Variants in TBC1D21 observed in about 807,000 individuals in gnomAD.
The protein encoded by TBC1D21 is TBC1 domain family member 21.
A neutral mutation model predicts 46.0 loss-of-function variants in TBC1D21; 38 were observed. The observed-to-expected ratio is 0.83, with a 90% CI of 0.64 to 1.08. TBC1D21 has a LOEUF of 1.08. TBC1D21 is among the 50% of genes least tolerant of loss of function. TBC1D21 has a pLI of 0.00. For synonymous variants in TBC1D21, 151 were observed against 157.2 expected, an observed-to-expected ratio of 0.96 and a Z score of 0.29; for missense variants, 415 against 417.9, an observed-to-expected ratio of 0.99 and a Z score of 0.06.
chr15:73,874,439 T>C (rs376712028), intron 1 of TBC1D21, among the ~76,000 whole-genome samples: 1 of 152,256 alleles, frequency 6.6e-6, no homozygotes, highest in East Asian at 1.9e-4. Context: ...GCATTTATTA[T>C]GTACGATGAA....
chr15:73,873,741 C>A lies in TBC1D21; in HGVS notation c.32C>A (p.Ser11Tyr), dbSNP rs2068008990. 1 of 1,610,090 alleles carries A rather than the reference C, an allele frequency of 6.2e-7. No individual in the cohort carries two copies. Among genetic ancestry groups the A allele is most frequent in the South Asian group, 1.1e-5 (1 of 90,130 alleles). Reference sequence around the variant, plus strand: ...ACCCTCTCTCCTGAAAACAGCCTCTCTGCCAGACAGTCAGCCTCCTTCATC... The same window carrying A: ...ACCCTCTCTCCTGAAAACAGCCTCTATGCCAGACAGTCAGCCTCCTTCATC... MTTLSPENSL[S>Y]ARQSASFILV... is the part of the protein sequence containing the mutation. Residue 11 changes from serine (S) to tyrosine (Y), a missense_variant, in exon 1 of 11, where the codon TCT (serine) becomes TAT (tyrosine). Ser to Tyr is a moderately radical substitution (Grantham distance 144). Coordinates refer to ENST00000300504, the MANE Select transcript of TBC1D21 (RefSeq NM_153356.3).
Position 73,877,550 on chromosome 15 carries a change from AGAAAT to A in TBC1D21, c.60+3782_60+3786del, listed in dbSNP as rs2068089449. Among the ~76,000 whole-genome samples, 37 of 67,236 alleles carry A rather than the reference AGAAAT, an allele frequency of 5.5e-4. 3 individuals carry two copies. In the South Asian group the frequency reaches 5.8e-3, roughly 11 times the overall value. The allele number at this position is 67,236 out of a possible 152,430, so 44.1% of individuals were successfully genotyped here. A position where few individuals can be genotyped will look rare whatever the true frequency, so the allele number is the denominator to read the frequency against. Reference sequence around the variant, plus strand: ...AAAAAAAAAAAAAAAAAAAAAAAAAAGAAATCCCTACTCATTTTATGAGGCCAACA... The same window carrying A: ...AAAAAAAAAAAAAAAAAAAAAAAAAACCCTACTCATTTTATGAGGCCAACA... On this transcript the variant is annotated intron_variant, in intron 1 of 10. Transcript: ENST00000300504.
the TBC1D21 span, among the ~76,000 whole-genome samples, chr15:73,906,995 A>G: frequency 2.6e-5 from 4 of 152,134 alleles, no homozygotes; most frequent in African/African-American, 9.7e-5. Flanking sequence ...ACCAACCACA[A>G]TTCCATGCAA....
intron 1 of TBC1D21, among the ~76,000 whole-genome samples, chr15:73,874,904 C>G (rs1279707103): frequency 6.6e-6 from 1 of 152,102 alleles, no homozygotes; most frequent in Non-Finnish European, 1.5e-5. Context: ...AAGTGGGAAC[C>G]CCTTGTTACG....
In TBC1D21 at chr15:73,873,816, G is replaced by T. The variant is rs145004157; in HGVS notation, c.60+47G>T. The T allele has an allele frequency of 1.2e-4, 188 of 1,586,148 alleles. No individual in the cohort carries two copies. The East Asian group carries it at 4.2e-3, about 36-fold the overall frequency. Reference sequence around the variant, plus strand: ...TGAGTGCCTCCCTCCCCAGCCTCTGGTTGGCACTGGGACCATTTTCCCCTG... The same window carrying T: ...TGAGTGCCTCCCTCCCCAGCCTCTGTTTGGCACTGGGACCATTTTCCCCTG... On this transcript the variant is annotated intron_variant, in intron 1 of 10. Coordinates refer to ENST00000300504, the MANE Select transcript of TBC1D21 (RefSeq NM_153356.3).
downstream of TBC1D21, among the ~76,000 whole-genome samples, chr15:73,892,667 C>T (rs1474342486): frequency 2.0e-5 from 3 of 152,258 alleles, no homozygotes; most frequent in African/African-American, 7.2e-5. Flanking sequence ...TTCGTTCACA[C>T]ACACTTCAAC....
chr15:73,907,706 A>T, the TBC1D21 span, among the ~76,000 whole-genome samples: 42 of 152,274 alleles, frequency 2.8e-4, no homozygotes, highest in African/African-American at 9.9e-4. Context: ...TACCCCTAAA[A>T]AGTTCCAAAG....
At chr15:73,873,854 A>G in intron 1 of TBC1D21, 85 bp downstream of exon 1, 1 of 1,474,092 alleles carries the variant, frequency 6.8e-7, no homozygotes, top group Non-Finnish European at 9.3e-7. Context: ...GGGTAGGAAA[A>G]GCTAGAACCC....
At chr15:73,884,048 T>G (rs1415138124) in intron 3 of TBC1D21, 103 bp from the exon 4 acceptor site, 13 of 915,080 alleles carry the variant, frequency 1.4e-5, no homozygotes, top group Middle Eastern at 2.2e-4. Flanking sequence ...TGGGTGAGGG[T>G]GCTGCCCTGG....
At chr15:73,890,192 C>T (rs1219279008), downstream of TBC1D21, among the ~76,000 whole-genome samples, 2 of 152,210 alleles carry the variant, frequency 1.3e-5, no homozygotes, top group Non-Finnish European at 2.9e-5. Flanking sequence ...CCTCCCTCTG[C>T]TCCCATCCTG....
At chr15:73,888,698 ACTCCTCCTCTTCTTCCTTCTC>A (rs1382959425) in intron 10 of TBC1D21, among the ~76,000 whole-genome samples, 185 bp downstream of exon 10, 3 of 60,932 alleles carry the variant, frequency 4.9e-5, no homozygotes, top group African/African-American at 1.4e-4. Flanking sequence ...TCCTCCTCGT[ACTCCTCCTCTTCTTCCTTCTC>A]CTCCTCCTCT....
chr15:73,887,684 T>A lies in TBC1D21; in HGVS notation c.842T>A (p.Met281Lys). The A allele has an allele frequency of 6.2e-7, 1 of 1,614,054 alleles. No homozygotes were observed. The highest frequency in any genetic ancestry group is 8.5e-7 in the Non-Finnish European group (1 of 1,179,942). The change falls in exon 9 of 11, where the codon ATG (methionine) becomes AAG (lysine). Residue 281 changes from methionine (M) to lysine (K), a missense_variant. Coordinates refer to ENST00000300504, the MANE Select transcript of TBC1D21 (RefSeq NM_153356.3). Reference sequence around the variant, plus strand: ...CTGGTGGCCTACAGCATGCTGCAGATGGTGCGGGAGCAGGTGCTGCAGGAA... The same window carrying A: ...CTGGTGGCCTACAGCATGCTGCAGAAGGTGCGGGAGCAGGTGCTGCAGGAA... ...QVLVAYSMLQ[M>K]VREQVLQESM...
chr15:73,873,774 G>C lies in TBC1D21; in HGVS notation c.60+5G>C. 1.2e-6 allele frequency: 2 copies of C among 1,608,980 alleles called. No individual in the cohort carries two copies. The highest frequency in any genetic ancestry group is 1.7e-6 in the Non-Finnish European group (2 of 1,177,220). On this transcript the variant is annotated splice_donor_5th_base_variant and intron_variant, in intron 1 of 10. Coordinates refer to ENST00000300504, the MANE Select transcript of TBC1D21 (RefSeq NM_153356.3). ...CAGTCAGCCTCCTTCATCCTGGTGC[G>C]TGTTCTTTGTCAGCTCTGAGTGCCT...
At chr15:73,899,905 G>A in the TBC1D21 span, among the ~76,000 whole-genome samples, 1 of 152,216 alleles carries the variant, frequency 6.6e-6, no homozygotes, top group Non-Finnish European at 1.5e-5. Context: ...AGCTCAGCCT[G>A]GGATGCGGGC....
the TBC1D21 span, among the ~76,000 whole-genome samples, chr15:73,900,121 C>T: frequency 6.6e-6 from 1 of 152,184 alleles, no homozygotes; most frequent in African/African-American, 2.4e-5. Flanking sequence ...CATCACCACC[C>T]GTTCTCTGCC....
intron 3 of TBC1D21, among the ~76,000 whole-genome samples, chr15:73,882,357 C>T (rs140122220): frequency 6.6e-6 from 1 of 152,196 alleles, no homozygotes; most frequent in Non-Finnish European, 1.5e-5. Context: ...ACACTGACAG[C>T]CTCACTGACT....
At chr15:73,894,887 C>T in the TBC1D21 span, among the ~76,000 whole-genome samples, 2 of 152,174 alleles carry the variant, frequency 1.3e-5, no homozygotes, top group Non-Finnish European at 2.9e-5. Flanking sequence ...ATTTCTGGGA[C>T]CTCAAACAAA....
At chr15:73,881,351 A>G in intron 1 of TBC1D21, 48 bp from the exon 2 acceptor site, 2 of 1,428,126 alleles carry the variant, frequency 1.4e-6, no homozygotes, top group East Asian at 2.3e-5. Context: ...CACACTTAAA[A>G]GCCGAAGCCT....
At chr15:73,904,410 A>G in the TBC1D21 span, among the ~76,000 whole-genome samples, 2 of 152,186 alleles carry the variant, frequency 1.3e-5, no homozygotes, top group South Asian at 2.1e-4. Context: ...ACCTCTTCCA[A>G]TTCTGCATTC....
Sources: allele counts gnomAD v4.1 joint callset (sites outside exome capture counted in the v4.1 genomes callset), GRCh38; gene constraint gnomAD v4.1.1; transcripts MANE v1.5; gene names NCBI Gene and HGNC (gene_info 2026-07-23, HGNC 2026-07-21).